PRKG2: variants seen among roughly 807,000 people sequenced by gnomAD.
PRKG2 encodes the protein cGMP-dependent protein kinase 2.
A neutral mutation model predicts 97.2 loss-of-function variants in PRKG2; 33 were observed. That is an observed-to-expected ratio of 0.34 (90% CI 0.26 to 0.45). PRKG2 has a LOEUF of 0.45. PRKG2 is among the 20% of genes least tolerant of loss of function. The pLI is 1.00. For missense variants in PRKG2, 638 were observed against 900.0 expected, an observed-to-expected ratio of 0.71 and a Z score of 3.73; for synonymous variants, 330 against 321.8, an observed-to-expected ratio of 1.03 and a Z score of -0.27.
In PRKG2 at chr4:81,166,563, G is replaced by A. The variant is rs966721291; in HGVS notation, c.912+598C>T. 3.9e-5 allele frequency among the ~76,000 whole-genome samples: 6 copies of A among 152,078 alleles called. 1 individual carries two copies. The highest frequency in any genetic ancestry group is 3.9e-4 in the Admixed American group (6 of 15,244). ...CATTATTCATGAAAAGACTTGACTC[G>A]TCTTGGACTAGAACCAACCATCTGG... On this transcript the variant is annotated intron_variant, in intron 6 of 18. Transcript: ENST00000264399.
intron 17 of PRKG2, among the ~76,000 whole-genome samples, chr4:81,092,660 G>A (rs537448074): frequency 3.5e-4 from 53 of 152,242 alleles, no homozygotes; most frequent in Admixed American, 7.2e-4. Flanking sequence ...TCAGCTTACA[G>A]GCTAAGGTCT....
chr4:81,103,660 T>C (rs1261113950), intron 17 of PRKG2, among the ~76,000 whole-genome samples: 7 of 152,174 alleles, frequency 4.6e-5, no homozygotes, highest in Non-Finnish European at 1.0e-4. Context: ...ATGCCCAAAT[T>C]AGAATGTAAT....
At chr4:81,123,064 A>G (rs1745218691) in intron 14 of PRKG2, among the ~76,000 whole-genome samples, 2 of 152,210 alleles carry the variant, frequency 1.3e-5, no homozygotes, top group Non-Finnish European at 2.9e-5. Context: ...AATATTCTAC[A>G]AGCCCATTAG....
chr4:81,185,570 T>C (rs745412154), intron 2 of PRKG2, among the ~76,000 whole-genome samples: 2 of 152,096 alleles, frequency 1.3e-5, no homozygotes, highest in Non-Finnish European at 2.9e-5. Flanking sequence ...CCACATCAAC[T>C]AATGGGCAAA....
chr4:81,096,899 A>G (rs1398660585), intron 17 of PRKG2, among the ~76,000 whole-genome samples: 3 of 152,186 alleles, frequency 2.0e-5, no homozygotes, highest in South Asian at 2.1e-4. Context: ...CCAGACTCCT[A>G]TTGATGTTGC....
At chr4:81,163,930 A>C (rs1182166799) in intron 6 of PRKG2, among the ~76,000 whole-genome samples, 2 of 151,764 alleles carry the variant, frequency 1.3e-5, no homozygotes, top group Non-Finnish European at 2.9e-5. Flanking sequence ...ACTATGTACC[A>C]AGTGTGTCGG....
At chr4:81,194,810 T>C (rs1752846406) in intron 2 of PRKG2, among the ~76,000 whole-genome samples, 1 of 152,220 alleles carries the variant, frequency 6.6e-6, no homozygotes, top group African/African-American at 2.4e-5. Context: ...GTACTGCTCT[T>C]AAATCTTCAA....
At chr4:81,191,306 C>G (rs1752494172) in intron 2 of PRKG2, among the ~76,000 whole-genome samples, 2 of 152,072 alleles carry the variant, frequency 1.3e-5, no homozygotes, top group South Asian at 4.2e-4. Flanking sequence ...AGCTGGAAAC[C>G]ATCATTCTCA....
At chr4:81,141,536 G>C (rs1747289780) in intron 11 of PRKG2, among the ~76,000 whole-genome samples, 1 of 152,064 alleles carries the variant, frequency 6.6e-6, no homozygotes. Context: ...GCACGATCAA[G>C]TATTTCCTAA....
At chr4:81,208,294 G>A (rs58060390) in intron 1 of PRKG2, among the ~76,000 whole-genome samples, 18 of 152,240 alleles carry the variant, frequency 1.2e-4, no homozygotes, top group African/African-American at 4.1e-4. Context: ...AAGTAGGTAA[G>A]CAGCTCTTAT....
At position 81,203,230 on chromosome 4, in the gene PRKG2, A is replaced by T. The variant is rs1753427329; in HGVS notation, c.461+1357T>A. Among the ~76,000 whole-genome samples, 3 of 152,266 alleles carry T rather than the reference A, an allele frequency of 2.0e-5. No individual in the cohort carries two copies. In the South Asian group the frequency reaches 6.2e-4, roughly 32 times the overall value. On this transcript the variant is annotated intron_variant, in intron 2 of 18. Coordinates refer to ENST00000264399, the MANE Select transcript of PRKG2 (RefSeq NM_006259.3). Reference sequence around the variant, plus strand: ...AAATGATTATTACTTTTGAAAGGAAATAGATGAGAAATTTTTAGACTAATA... The same window carrying T: ...AAATGATTATTACTTTTGAAAGGAATTAGATGAGAAATTTTTAGACTAATA...
Position 81,193,303 on chromosome 4 carries a change from CT to C in PRKG2, c.461+11283del, listed in dbSNP as rs1200248692. ...CTGGAATGCCAGGATTTGATTCCAA[CT>C]TCTGCCACTTACTAACTGCGGAACC... is the stretch of plus-strand genomic sequence containing the variant. On this transcript the variant is annotated intron_variant, in intron 2 of 18. Coordinates refer to ENST00000264399, the MANE Select transcript of PRKG2 (RefSeq NM_006259.3). The C allele has an allele frequency of 5.3e-5, 8 of 152,336 alleles. No individual in the cohort carries two copies. In the East Asian group the frequency reaches 1.3e-3, roughly 26 times the overall value. The allele number at this position is 152,336 out of a possible 1,614,324, so 9.4% of individuals were successfully genotyped here. A position where few individuals can be genotyped will look rare whatever the true frequency, so the allele number is the denominator to read the frequency against.
intron 2 of PRKG2, among the ~76,000 whole-genome samples, chr4:81,187,901 C>T (rs1347354678): frequency 1.3e-5 from 2 of 152,022 alleles, no homozygotes; most frequent in Non-Finnish European, 2.9e-5. Context: ...AAACGTTAGA[C>T]CTAAAACCAT....
intron 2 of PRKG2, among the ~76,000 whole-genome samples, chr4:81,184,487 G>A (rs1751702007): frequency 1.3e-5 from 2 of 152,082 alleles, no homozygotes; most frequent in Non-Finnish European, 2.9e-5. Flanking sequence ...CCCATCTGAA[G>A]GTCACCAACA....
At chr4:81,155,491 T>C (rs572842623) in intron 6 of PRKG2, among the ~76,000 whole-genome samples, 2 of 152,238 alleles carry the variant, frequency 1.3e-5, no homozygotes, top group East Asian at 1.9e-4. Context: ...CGGAACCAAG[T>C]TGGAAAACAC....
chr4:81,208,884 T>C (rs952296811), intron 1 of PRKG2, among the ~76,000 whole-genome samples: 4 of 152,194 alleles, frequency 2.6e-5, no homozygotes, highest in African/African-American at 9.6e-5. Context: ...AGTTCATAAC[T>C]ACAAGGACTT....
At position 81,174,921 on chromosome 4, in the gene PRKG2, T is replaced by C. The variant is rs1329254646; in HGVS notation, c.500A>G (p.Gln167Arg). ...CTGAGGATCCAGTCTTTTCAGAAAC[T>C]GATTTTTATTAAGGGCATCTGTAAT... The part of the protein sequence containing the change: ...KLITDALNKN[Q>R]FLKRLDPQQI... The change falls in exon 3 of 19, where the codon CAG becomes CGG. Residue 167 changes from glutamine (Q) to arginine (R), a missense_variant. Coordinates refer to ENST00000264399, the MANE Select transcript of PRKG2 (RefSeq NM_006259.3). 1 of 1,612,362 alleles carries C rather than the reference T, an allele frequency of 6.2e-7. No homozygotes were observed. The highest frequency in any genetic ancestry group is 1.3e-5 in the African/African-American group (1 of 74,870).
chr4:81,154,549 G>C (rs976201927), intron 6 of PRKG2, among the ~76,000 whole-genome samples: 1 of 142,554 alleles, frequency 7.0e-6, no homozygotes, highest in Non-Finnish European at 1.5e-5. Context: ...CAGACCTGCA[G>C]CTGAGGGTCC....
At chr4:81,195,979 G>A (rs1560621723) in intron 2 of PRKG2, among the ~76,000 whole-genome samples, 1 of 152,208 alleles carries the variant, frequency 6.6e-6, no homozygotes, top group Non-Finnish European at 1.5e-5. Flanking sequence ...CAGCAATGAT[G>A]ACGGAAGGCC....
Sources: allele counts gnomAD v4.1 joint callset (sites outside exome capture counted in the v4.1 genomes callset), GRCh38; gene constraint gnomAD v4.1.1; transcripts MANE v1.5; gene names NCBI Gene and HGNC (gene_info 2026-07-23, HGNC 2026-07-21).